Variants in SATB2 observed in about 807,000 individuals in gnomAD.
SATB2 encodes DNA-binding protein SATB2.
Under a neutral mutation model 73.4 loss-of-function variants are expected in SATB2, and 1 was observed. The observed-to-expected ratio is 0.01, with a 90% confidence interval of 0.00 to 0.06. SATB2 has a LOEUF of 0.06. Among genes scored for constraint, SATB2 ranks in the 10% least tolerant of loss-of-function variants. The pLI, the probability that SATB2 is intolerant of heterozygous loss-of-function variation, is 1.00. For missense variants in SATB2, 459 were observed against 945.8 expected (o/e 0.49, Z 6.75); for synonymous variants, 397 against 367.0 (o/e 1.08, Z -0.93).
intron 1 of SATB2, among the ~76,000 whole-genome samples, chr2:199,456,917 G>C (rs1692294466): frequency 6.6e-6 from 1 of 151,182 alleles, no homozygotes; most frequent in Non-Finnish European, 1.5e-5. Flanking sequence ...TGGGTCACTA[G>C]GTTGGCAGTG....
rs371301854 is a variant in SATB2 at position 199,374,183 on chromosome 2, T to C, written c.598-5476A>G. On this transcript the variant is annotated intron_variant, in intron 5 of 10. Transcript: ENST00000417098. Reference sequence around the variant, plus strand: ...CACACCGGAAATCTAGTAACATCTCTGCAGCTCAATAGCTTTAGTCAGTCA... The same window carrying C: ...CACACCGGAAATCTAGTAACATCTCCGCAGCTCAATAGCTTTAGTCAGTCA... Among the ~76,000 whole-genome samples, 30 of 152,348 alleles carry C rather than the reference T, an allele frequency of 2.0e-4. No homozygotes were observed. In the East Asian group the frequency reaches 4.8e-3, roughly 24 times the overall value.
intron 3 of SATB2, among the ~76,000 whole-genome samples, chr2:199,418,305 C>A (rs1321351590): frequency 6.6e-6 from 1 of 152,140 alleles, no homozygotes. Context: ...CTGCACTATA[C>A]TACAATGCCC....
At chr2:199,389,144 A>G (rs546870064) in intron 3 of SATB2, among the ~76,000 whole-genome samples, 2 of 152,178 alleles carry the variant, frequency 1.3e-5, no homozygotes. Context: ...TGTAGTTATT[A>G]TTGCTAAAGC....
chr2:199,272,931 T>A lies in SATB2; in HGVS notation c.1741-259A>T, dbSNP rs1240449213. On this transcript the variant is annotated intron_variant, in intron 10 of 10. Coordinates refer to ENST00000417098, the MANE Select transcript of SATB2 (RefSeq NM_001172509.2). This position sits in a 1 kb window ranked among gnomAD's most constrained non-coding sequence, Gnocchi z 6.7. Reference sequence around the variant, plus strand: ...TCAAGTCATTTATTGCCTAAGGTCATCTCACTTTAGGCAACCTGGCTTCAG... The same window carrying A: ...TCAAGTCATTTATTGCCTAAGGTCAACTCACTTTAGGCAACCTGGCTTCAG... Among the ~76,000 whole-genome samples, 1 of 152,152 alleles carries A rather than the reference T, an allele frequency of 6.6e-6. No homozygotes were observed. The highest frequency in any genetic ancestry group is 1.5e-5 in the Non-Finnish European group (1 of 68,028).
rs1392448554 is a variant in SATB2, at chr2:199,457,867, C to G, written c.-588G>C. ...CCGGGACCGCGCGCGGGAGGAAACGCGGCGGCCGCCCAAGCTGTCACCTCC... is the reference window on the plus strand; with the variant it reads ...CCGGGACCGCGCGCGGGAGGAAACGGGGCGGCCGCCCAAGCTGTCACCTCC... On this transcript the variant is annotated 5_prime_UTR_variant, in exon 1 of 11. Transcript: ENST00000417098. The surrounding 1 kb of genome is among the most constrained non-coding windows in gnomAD (Gnocchi z 4.8). The G allele has an allele frequency of 1.3e-5, 2 of 153,318 alleles. No individual in the cohort carries two copies. Among genetic ancestry groups the G allele is most frequent in the Non-Finnish European group, 2.9e-5 (2 of 68,216 alleles). 9.5% of individuals were successfully genotyped at this position (153,318 alleles called of 1,614,324 possible).
chr2:199,357,003 CTTT>C, intron 6 of SATB2, among the ~76,000 whole-genome samples: 1 of 152,096 alleles, frequency 6.6e-6, no homozygotes, highest in Non-Finnish European at 1.5e-5. Flanking sequence ...CATTATTTGA[CTTT>C]AATGTCATAA....
chr2:199,414,287 T>C (rs1690909852), intron 3 of SATB2, among the ~76,000 whole-genome samples: 1 of 152,096 alleles, frequency 6.6e-6, no homozygotes, highest in Non-Finnish European at 1.5e-5. Context: ...TGATGAGATT[T>C]CTCCCTCTTT....
intron 2 of SATB2, among the ~76,000 whole-genome samples, chr2:199,443,927 G>A (rs1376939824): frequency 6.6e-6 from 1 of 152,128 alleles, no homozygotes; most frequent in Non-Finnish European, 1.5e-5. Flanking sequence ...GCAATACATA[G>A]GATATTATTA....
intron 3 of SATB2, among the ~76,000 whole-genome samples, chr2:199,389,347 T>C (rs930937929): frequency 3.3e-5 from 5 of 152,030 alleles, no homozygotes; most frequent in African/African-American, 1.2e-4. Context: ...TCAACTGGCT[T>C]GCATTGGGGT....
rs954334546 is a variant in SATB2 at position 199,464,199 on chromosome 2, G to A, written c.-141+637C>T. On this transcript the variant is annotated intron_variant, in intron 1 of 11. Coordinates refer to the SATB2 transcript ENST00000260926. The surrounding 1 kb of genome is among the most constrained non-coding windows in gnomAD (Gnocchi z 6.6). ...CTTGGCCTCCGGGAAAGGCCCAAGTGACTGTGACGGCGGCGACTCGGGCTC... is the reference window on the plus strand; with the variant it reads ...CTTGGCCTCCGGGAAAGGCCCAAGTAACTGTGACGGCGGCGACTCGGGCTC... Among the ~76,000 whole-genome samples the A allele has an allele frequency of 6.6e-6, 1 of 152,140 alleles. No individual in the cohort carries two copies. Among genetic ancestry groups the A allele is most frequent in the Non-Finnish European group, 1.5e-5 (1 of 68,016 alleles).
Position 199,433,470 on chromosome 2 carries a change from A to G in SATB2, c.214T>C (p.Ser72Pro), listed in dbSNP as rs753249521. 3 of 1,614,178 alleles carry G rather than the reference A, an allele frequency of 1.9e-6. No homozygotes were observed. Among genetic ancestry groups the G allele is most frequent in the Non-Finnish European group, 2.5e-6 (3 of 1,180,040 alleles). Residue 72 changes from serine (S) to proline (P), a missense_variant, in exon 3 of 11, where the codon TCT becomes CCT. Transcript: ENST00000417098. ...TCTTCTCTGTTGTCATATTCAAGAGAGCCGTCCAACTGCTCCACGACACAA... is the reference window on the plus strand; with the variant it reads ...TCTTCTCTGTTGTCATATTCAAGAGGGCCGTCCAACTGCTCCACGACACAA... ...VFCVVEQLDG[S>P]LEYDNREEHA...
upstream of SATB2, chr2:199,468,304 C>T (rs2105971657): frequency 6.8e-6 from 1 of 146,478 alleles, no homozygotes; most frequent in East Asian, 1.9e-4. Context: ...TCGTTTCTTC[C>T]TCTTCCTTTT....
chr2:199,346,014 T>TA (rs1688640533), intron 7 of SATB2, among the ~76,000 whole-genome samples: 1 of 152,148 alleles, frequency 6.6e-6, no homozygotes, highest in African/African-American at 2.4e-5. Flanking sequence ...AAAGAAAATA[T>TA]AAAAAATATC....
intron 10 of SATB2, among the ~76,000 whole-genome samples, chr2:199,298,106 CA>C (rs1687169106): frequency 6.6e-6 from 1 of 152,156 alleles, no homozygotes; most frequent in Admixed American, 6.5e-5. Context: ...GTGCTCTTTT[CA>C]GTAAGAATTA....
chr2:199,387,755 G>A (rs1690005775), intron 3 of SATB2, among the ~76,000 whole-genome samples: 1 of 152,176 alleles, frequency 6.6e-6, no homozygotes, highest in Non-Finnish European at 1.5e-5. Context: ...AATGTGTAAT[G>A]TGTACAGACC....
intron 6 of SATB2, among the ~76,000 whole-genome samples, chr2:199,350,887 G>C (rs1688795130): frequency 6.6e-6 from 1 of 151,864 alleles, no homozygotes; most frequent in African/African-American, 2.4e-5. Flanking sequence ...GCCAGGCATG[G>C]TGGCATGCGC....
At chr2:199,298,049 T>C (rs1687167694) in intron 10 of SATB2, among the ~76,000 whole-genome samples, 1 of 152,186 alleles carries the variant, frequency 6.6e-6, no homozygotes, top group South Asian at 2.1e-4. Flanking sequence ...TCCCGTTATC[T>C]TGCTGAATAT....
At chr2:199,366,968 T>A (rs1349251779) in intron 6 of SATB2, among the ~76,000 whole-genome samples, 2 of 151,480 alleles carry the variant, frequency 1.3e-5, no homozygotes, top group African/African-American at 4.8e-5. Flanking sequence ...AACACTAGAG[T>A]GAAGAGTTTC....
chr2:199,458,354 G>T, upstream of SATB2: 1 of 277,908 alleles, frequency 3.6e-6, no homozygotes, highest in Non-Finnish European at 7.2e-6. Flanking sequence ...CGGGTGGGAG[G>T]CAGGGAGGAG....
Sources: allele counts gnomAD v4.1 joint callset (sites outside exome capture counted in the v4.1 genomes callset), GRCh38; gene constraint gnomAD v4.1.1; non-coding constraint Gnocchi (gnomAD v3.1); transcripts MANE v1.5; gene names NCBI Gene and HGNC (gene_info 2026-07-23, HGNC 2026-07-21).